The following BFAR variants were observed in gnomAD, a reference collection of about 807,000 sequenced individuals.
BFAR encodes bifunctional apoptosis regulator, also known as RING finger protein 47.
A neutral mutation model predicts 54.4 loss-of-function variants in BFAR; 52 were observed. The observed-to-expected ratio is 0.96, with a 90% confidence interval of 0.77 to 1.21. The LOEUF is 1.21. Among genes scored for constraint, BFAR ranks in the 50% most tolerant of loss-of-function variants. The pLI is 0.00. For missense variants in BFAR, 571 were observed against 534.0 expected (o/e 1.07, Z -0.68); for synonymous variants, 215 against 204.3 (o/e 1.05, Z -0.45).
chr16:14,646,927 AT>A (rs1296800778), intron 2 of BFAR, among the ~76,000 whole-genome samples: 2 of 151,744 alleles, frequency 1.3e-5, no homozygotes, highest in Admixed American at 6.6e-5. Flanking sequence ...TTTTGTTCAG[AT>A]TTTTTTAAAT....
chr16:14,661,518 C>T (rs1960287516), intron 5 of BFAR, among the ~76,000 whole-genome samples: 1 of 150,086 alleles, frequency 6.7e-6, no homozygotes, highest in Non-Finnish European at 1.5e-5. Flanking sequence ...TCTCCAGCCT[C>T]AGCCTCCTGA....
At position 14,663,687 on chromosome 16, in the gene BFAR, G is replaced by A. The variant is rs372878199; in HGVS notation, c.958-1182G>A. Among the ~76,000 whole-genome samples, 12 of 152,052 alleles carry A rather than the reference G, an allele frequency of 7.9e-5. No individual in the cohort carries two copies. In the East Asian group the frequency reaches 2.1e-3, roughly 27 times the overall value. On this transcript the variant is annotated intron_variant, in intron 6 of 7. Transcript: ENST00000261658. ...GTGTAATTGAAAAGCTTCTCCTCCT[G>A]CCATCACAAAAAAAATTACCTTTTT...
intron 3 of BFAR, among the ~76,000 whole-genome samples, chr16:14,648,942 C>G (rs1490270108): frequency 2.6e-5 from 4 of 151,758 alleles, no homozygotes; most frequent in Non-Finnish European, 4.4e-5. Context: ...TAAAAACTTT[C>G]TTTTAGGGTG....
intron 1 of BFAR, among the ~76,000 whole-genome samples, chr16:14,642,091 T>C (rs1227789786): frequency 6.6e-6 from 1 of 152,184 alleles, no homozygotes; most frequent in Non-Finnish European, 1.5e-5. Flanking sequence ...ATGGGACCTG[T>C]GTTCCTAACC....
At chr16:14,662,768 G>A (rs753183069) in intron 6 of BFAR, among the ~76,000 whole-genome samples, 32 of 152,086 alleles carry the variant, frequency 2.1e-4, no homozygotes, top group Non-Finnish European at 4.1e-4. Flanking sequence ...TCCTCCTGTA[G>A]CAGGAAGAGC....
Position 14,667,457 on chromosome 16 carries a change from T to G in BFAR, c.1161-178T>G, listed in dbSNP as rs1423322069. 9.8e-6 allele frequency: 6 copies of G among 615,030 alleles called. No individual in the cohort carries two copies. In the African/African-American group the frequency reaches 1.1e-4, roughly 11 times the overall value. 38.1% of individuals were successfully genotyped at this position (615,030 alleles called of 1,614,324 possible). A position where few individuals can be genotyped will look rare whatever the true frequency, so the allele number is the denominator to read the frequency against. ...AAGAAGCTCCCTGTAGGTCATGTCC[T>G]TGAGAGTTAAAAGATGGGTTGAGTA... On this transcript the variant is annotated intron_variant, in intron 7 of 7. Transcript: ENST00000261658.
chr16:14,666,261 G>T lies in BFAR; in HGVS notation c.1160+1190G>T, dbSNP rs932524600. On this transcript the variant is annotated intron_variant, in intron 7 of 7. Transcript: ENST00000261658. ...AGACCACATGGAAAAGAACAAAGGA[G>T]AGAGAATCCCCAAAACTTAGAGGCT... Among the ~76,000 whole-genome samples the T allele has an allele frequency of 2.0e-5, 3 of 152,154 alleles. No homozygotes were observed. In the South Asian group the frequency reaches 6.2e-4, roughly 31 times the overall value.
intron 1 of BFAR, among the ~76,000 whole-genome samples, chr16:14,643,437 C>G (rs891187012): frequency 6.6e-6 from 1 of 152,214 alleles, no homozygotes; most frequent in African/African-American, 2.4e-5. Context: ...GAACCTTCCA[C>G]TACACATATT....
At chr16:14,658,395 A>C (rs1243213017) in intron 5 of BFAR, among the ~76,000 whole-genome samples, 1 of 151,558 alleles carries the variant, frequency 6.6e-6, no homozygotes. Flanking sequence ...GCTGACAAAG[A>C]GAAGGGAAGA....
At chr16:14,651,870 G>A (rs1959978087) in intron 4 of BFAR, among the ~76,000 whole-genome samples, 1 of 147,874 alleles carries the variant, frequency 6.8e-6, no homozygotes, top group South Asian at 2.1e-4. Context: ...ACTGAGGCCT[G>A]ACATGCCCAA....
chr16:14,637,806 G>A (rs1295281134), intron 1 of BFAR, among the ~76,000 whole-genome samples: 1 of 151,302 alleles, frequency 6.6e-6, no homozygotes, highest in Admixed American at 6.6e-5. Flanking sequence ...TCCAGCCTGG[G>A]TGACAGAGCA....
intron 2 of BFAR, among the ~76,000 whole-genome samples, chr16:14,647,568 C>A (rs926233834): frequency 6.6e-6 from 1 of 151,924 alleles, no homozygotes. Context: ...ATAATCCCAG[C>A]TACTCAGGAG....
At chr16:14,651,926 C>T (rs1274284265) in intron 4 of BFAR, among the ~76,000 whole-genome samples, 1 of 135,738 alleles carries the variant, frequency 7.4e-6, no homozygotes, top group Non-Finnish European at 1.5e-5. Flanking sequence ...TCGCTCTGTC[C>T]TTCAGGCTGG....
intron 4 of BFAR, among the ~76,000 whole-genome samples, chr16:14,652,578 G>A (rs1960003026): frequency 6.6e-6 from 1 of 151,878 alleles, no homozygotes; most frequent in East Asian, 1.9e-4. Context: ...ACCACACCTG[G>A]CAAATATATA....
chr16:14,644,669 T>A, intron 2 of BFAR, 60 bp downstream of exon 2: 4 of 165,154 alleles, frequency 2.4e-5, no homozygotes, highest in Non-Finnish European at 3.5e-5. Flanking sequence ...TCTCTCTTGC[T>A]TTTTTTTTTT....
chr16:14,668,890 A>T lies in BFAR; in HGVS notation c.*1063A>T, dbSNP rs1960517858. On this transcript the variant is annotated 3_prime_UTR_variant, in exon 8 of 8. Coordinates refer to ENST00000261658, the MANE Select transcript of BFAR (RefSeq NM_016561.3). The stretch of plus-strand genomic sequence containing the variant: ...AAATTCCGGGATAGTCGTTTTGTTC[A>T]AGGAAATGTTTTGTAAATTGAGCTC... 1.1e-5 allele frequency: 2 copies of T among 174,068 alleles called. No homozygotes were observed. Among genetic ancestry groups the T allele is most frequent in the African/African-American group, 4.8e-5 (2 of 41,742 alleles). The allele number at this position is 174,068 out of a possible 1,614,324, so 10.8% of individuals were successfully genotyped here. A position where few individuals can be genotyped will look rare whatever the true frequency, so the allele number is the denominator to read the frequency against.
At chr16:14,634,372 C>T (rs183850649) in intron 1 of BFAR, among the ~76,000 whole-genome samples, 151 of 152,322 alleles carry the variant, frequency 9.9e-4, no homozygotes, top group Non-Finnish European at 8.8e-4. Flanking sequence ...CATTGTATTT[C>T]TCCAGGGCAG....
rs1960406551 is a variant in BFAR, at chr16:14,665,083, T to C, written c.1160+12T>C. Reference sequence around the variant, plus strand: ...AGAAGTGAACTGAAGTAAGTATGTTTTAATGGTTGTCACAACAGGGGATGG... The same window carrying C: ...AGAAGTGAACTGAAGTAAGTATGTTCTAATGGTTGTCACAACAGGGGATGG... On this transcript the variant is annotated intron_variant, in intron 7 of 7. Coordinates refer to ENST00000261658, the MANE Select transcript of BFAR (RefSeq NM_016561.3). The C allele has an allele frequency of 6.3e-7, 1 of 1,596,698 alleles. No homozygotes were observed. Among genetic ancestry groups the C allele is most frequent in the Non-Finnish European group, 8.6e-7 (1 of 1,164,428 alleles).
chr16:14,661,642 A>T (rs1960290836), intron 5 of BFAR, among the ~76,000 whole-genome samples: 1 of 151,934 alleles, frequency 6.6e-6, no homozygotes, highest in African/African-American at 2.4e-5. Context: ...ACCTCAAGTG[A>T]TCCGTCCACC....
Sources: allele counts gnomAD v4.1 joint callset (sites outside exome capture counted in the v4.1 genomes callset), GRCh38; gene constraint gnomAD v4.1.1; transcripts MANE v1.5; gene names NCBI Gene and HGNC (gene_info 2026-07-23, HGNC 2026-07-21).